Variants in GRID2 observed in about 807,000 individuals in gnomAD.
GRID2 encodes the protein glutamate ionotropic receptor delta type subunit 2.
In GRID2, 33 loss-of-function variants were observed where a neutral mutation model predicts 114.8. The ratio of observed to expected loss-of-function variants is 0.29; its 90% CI spans 0.22 to 0.38. The LOEUF (loss-of-function observed/expected upper bound fraction) is 0.38. GRID2 is among the 10% of genes least tolerant of loss of function. The probability of loss-of-function intolerance (pLI) is 1.00; values close to 1 mark genes in which losing one functional copy is unlikely to be tolerated. For missense variants in GRID2, 1,184 were observed against 1,257.7 expected (o/e 0.94, Z 0.89); for synonymous variants, 505 against 449.9 (o/e 1.12, Z -1.55).
intron 2 of GRID2, among the ~76,000 whole-genome samples, chr4:92,709,839 C>T (rs1322875550): frequency 6.6e-6 from 1 of 151,756 alleles, no homozygotes; most frequent in Non-Finnish European, 1.5e-5. Flanking sequence ...TGGATCAAGA[C>T]TACAGATGTA....
chr4:93,448,085 T>G (rs1464046322), intron 10 of GRID2, among the ~76,000 whole-genome samples: 2 of 151,768 alleles, frequency 1.3e-5, no homozygotes, highest in African/African-American at 4.8e-5. Context: ...GAGACATGGA[T>G]TAGATAATAA....
At chr4:92,734,496 T>C (rs1191753869) in intron 2 of GRID2, among the ~76,000 whole-genome samples, 2 of 151,980 alleles carry the variant, frequency 1.3e-5, no homozygotes, top group Non-Finnish European at 2.9e-5. Context: ...GTTGCCCAAG[T>C]TGGTCTTGAA....
chr4:93,730,393 T>C (rs186381823), intron 14 of GRID2, among the ~76,000 whole-genome samples: 3 of 152,342 alleles, frequency 2.0e-5, no homozygotes, highest in Non-Finnish European at 2.9e-5. Context: ...TGGTGTGAAC[T>C]AGGTAAGTGT....
intron 15 of GRID2, among the ~76,000 whole-genome samples, chr4:93,770,336 T>G (rs1734008282): frequency 6.6e-6 from 1 of 152,252 alleles, no homozygotes; most frequent in Non-Finnish European, 1.5e-5. Context: ...TTAAAGTTTC[T>G]ATAACTAGAA....
intron 4 of GRID2, among the ~76,000 whole-genome samples, chr4:93,141,454 G>A (rs1397253066): frequency 6.6e-6 from 1 of 152,114 alleles, no homozygotes. Flanking sequence ...CCAGCATTCA[G>A]TTTCAAGCCT....
Position 92,515,377 on chromosome 4 carries a change from T to C in GRID2, c.89-74754T>C, listed in dbSNP as rs1178300356. Among the ~76,000 whole-genome samples, 4 of 152,010 alleles carry C rather than the reference T, an allele frequency of 2.6e-5. No homozygotes were observed. In the South Asian group the frequency reaches 8.3e-4, roughly 31 times the overall value. Reference sequence around the variant, plus strand: ...AAACTATCAACTAAAATAGACAACATAAAAGACAATAAATTATTTCCATTG... The same window carrying C: ...AAACTATCAACTAAAATAGACAACACAAAAGACAATAAATTATTTCCATTG... On this transcript the variant is annotated intron_variant, in intron 1 of 15. Coordinates refer to ENST00000282020, the MANE Select transcript of GRID2 (RefSeq NM_001510.4).
At chr4:93,246,104 G>A (rs1748172479) in intron 8 of GRID2, among the ~76,000 whole-genome samples, 1 of 152,056 alleles carries the variant, frequency 6.6e-6, no homozygotes, top group South Asian at 2.1e-4. Flanking sequence ...ATCAAGGCTT[G>A]GAAACTATAA....
At chr4:92,846,163 T>G (rs1333420267) in intron 2 of GRID2, among the ~76,000 whole-genome samples, 1 of 152,154 alleles carries the variant, frequency 6.6e-6, no homozygotes, top group Non-Finnish European at 1.5e-5. Flanking sequence ...CATTTCTGTT[T>G]ATAATTTCAC....
chr4:93,483,760 CAG>C (rs1726098701), intron 11 of GRID2, among the ~76,000 whole-genome samples: 2 of 151,870 alleles, frequency 1.3e-5, no homozygotes, highest in Non-Finnish European at 2.9e-5. Context: ...TTCCTTAAAA[CAG>C]AGGGGTCCTT....
intron 1 of GRID2, among the ~76,000 whole-genome samples, chr4:92,323,822 C>A (rs1448356995): frequency 6.6e-6 from 1 of 151,858 alleles, no homozygotes; most frequent in East Asian, 1.9e-4. Flanking sequence ...AGCCTAGGAC[C>A]CTCTTTTGCT....
intron 8 of GRID2, among the ~76,000 whole-genome samples, chr4:93,326,346 A>C (rs544189347): frequency 1.3e-5 from 2 of 152,146 alleles, no homozygotes; most frequent in Non-Finnish European, 2.9e-5. Flanking sequence ...GTTTCTAGAC[A>C]TTTAAACATG....
At chr4:93,187,861 A>C (rs922826393) in intron 4 of GRID2, among the ~76,000 whole-genome samples, 18 of 152,266 alleles carry the variant, frequency 1.2e-4, no homozygotes, top group Non-Finnish European at 2.6e-4. Context: ...AACAACATTA[A>C]ATCTCAAGGC....
chr4:92,662,999 C>T (rs1017327914), intron 2 of GRID2, among the ~76,000 whole-genome samples: 4 of 150,916 alleles, frequency 2.7e-5, no homozygotes, highest in Admixed American at 1.3e-4. Context: ...CTTTTGAGCT[C>T]ATTAAAAATA....
chr4:93,233,589 T>C (rs932690123), intron 7 of GRID2, among the ~76,000 whole-genome samples: 1 of 152,010 alleles, frequency 6.6e-6, no homozygotes, highest in African/African-American at 2.4e-5. Context: ...GTGATCCATC[T>C]GTCTTGGCCT....
chr4:92,402,286 G>A (rs896189910), intron 1 of GRID2, among the ~76,000 whole-genome samples: 1 of 152,060 alleles, frequency 6.6e-6, no homozygotes, highest in African/African-American at 2.4e-5. Flanking sequence ...GTTGATCTGT[G>A]TACTTTGACC....
chr4:93,736,416 GTT>G (rs1302640270), intron 14 of GRID2, among the ~76,000 whole-genome samples: 1 of 151,972 alleles, frequency 6.6e-6, no homozygotes, highest in Non-Finnish European at 1.5e-5. Context: ...AATAGAAGTT[GTT>G]TGTCCAAAGC....
chr4:92,751,630 G>A (rs1259054456), intron 2 of GRID2, among the ~76,000 whole-genome samples: 1 of 152,142 alleles, frequency 6.6e-6, no homozygotes, highest in Admixed American at 6.6e-5. Context: ...CAGTTTTGTG[G>A]CTTTTTTAAC....
intron 1 of GRID2, among the ~76,000 whole-genome samples, chr4:92,552,550 A>C (rs954367678): frequency 6.6e-6 from 1 of 152,148 alleles, no homozygotes; most frequent in African/African-American, 2.4e-5. Flanking sequence ...ATGATGGCTG[A>C]AGAGAAGAGA....
chr4:93,110,566 G>A (rs1373138878), intron 3 of GRID2, among the ~76,000 whole-genome samples, 182 bp from the exon 4 acceptor site: 1 of 152,132 alleles, frequency 6.6e-6, no homozygotes, highest in Non-Finnish European at 1.5e-5. Context: ...CATTTTTCAT[G>A]TGAACATTTC....
Sources: allele counts gnomAD v4.1 joint callset (sites outside exome capture counted in the v4.1 genomes callset), GRCh38; gene constraint gnomAD v4.1.1; transcripts MANE v1.5; gene names NCBI Gene and HGNC (gene_info 2026-07-23, HGNC 2026-07-21).